Variants in PPP6R3 observed in about 807,000 individuals in gnomAD.
The protein encoded by PPP6R3 is protein phosphatase 6 regulatory subunit 3.
Under a neutral mutation model 110.7 loss-of-function variants are expected in PPP6R3, and 38 were observed. That is an observed-to-expected ratio of 0.34 (90% CI 0.26 to 0.45). The LOEUF is 0.45. Ranked by LOEUF, PPP6R3 falls within the 20% of genes least tolerant of loss-of-function variation. The probability of loss-of-function intolerance (pLI) is 1.00; values close to 1 mark genes in which losing one functional copy is unlikely to be tolerated. For synonymous variants in PPP6R3, 369 were observed against 373.5 expected, an observed-to-expected ratio of 0.99 and a Z score of 0.14; for missense variants, 870 against 1,062.4, an observed-to-expected ratio of 0.82 and a Z score of 2.52.
At chr11:68,476,909 A>T (rs1165479865) in intron 1 of PPP6R3, among the ~76,000 whole-genome samples, 1 of 151,688 alleles carries the variant, frequency 6.6e-6, no homozygotes, top group Non-Finnish European at 1.5e-5. Flanking sequence ...GCCTGTAGTC[A>T]CAGCTACTCA....
chr11:68,591,799 T>C (rs1566065602), intron 18 of PPP6R3, 93 bp downstream of exon 18: 1 of 1,394,792 alleles, frequency 7.2e-7, no homozygotes, highest in Non-Finnish European at 9.4e-7. Context: ...CAAACATACA[T>C]GTTAACCCAG....
At chr11:68,471,450 C>CG (rs1008919822) in intron 1 of PPP6R3, among the ~76,000 whole-genome samples, 1 of 151,966 alleles carries the variant, frequency 6.6e-6, no homozygotes, top group Non-Finnish European at 1.5e-5. Context: ...GAGGATGGAG[C>CG]GGGGACCTCT....
intron 20 of PPP6R3, among the ~76,000 whole-genome samples, chr11:68,601,657 A>T (rs2099632219): frequency 1.3e-5 from 2 of 152,158 alleles, no homozygotes; most frequent in Admixed American, 1.3e-4. Flanking sequence ...GGCTTAACAG[A>T]ACATTTGCCT....
At chr11:68,476,396 A>G (rs1014824756) in intron 1 of PPP6R3, among the ~76,000 whole-genome samples, 5 of 142,904 alleles carry the variant, frequency 3.5e-5, no homozygotes, top group South Asian at 4.9e-4. Context: ...AGGTTGCAGT[A>G]AGCCGAGATG....
At chr11:68,480,858 A>G (rs2098903864) in intron 1 of PPP6R3, among the ~76,000 whole-genome samples, 1 of 152,114 alleles carries the variant, frequency 6.6e-6, no homozygotes, top group South Asian at 2.1e-4. Flanking sequence ...TCATGTGTCA[A>G]TTTCAGGAAT....
chr11:68,524,960 T>C (rs1462304824), intron 2 of PPP6R3, among the ~76,000 whole-genome samples: 1 of 152,214 alleles, frequency 6.6e-6, no homozygotes, highest in Non-Finnish European at 1.5e-5. Context: ...CTGAGAGCCA[T>C]TGGATTGCAA....
At chr11:68,594,265 GGAGAGAGA>G (rs56125097) in intron 18 of PPP6R3, among the ~76,000 whole-genome samples, 2,397 of 137,010 alleles carry the variant, frequency 0.017, 37 homozygotes, top group Non-Finnish European at 0.024. Flanking sequence ...TAAAAAAGGG[GGAGAGAGA>G]GAGAGAGAGA....
chr11:68,482,771 G>A (rs1022574818), intron 1 of PPP6R3, among the ~76,000 whole-genome samples: 1 of 151,912 alleles, frequency 6.6e-6, no homozygotes, highest in Admixed American at 6.6e-5. Flanking sequence ...TCCATCTTCT[G>A]TTGTTACTGG....
chr11:68,521,209 C>G (rs1274730536), intron 2 of PPP6R3, among the ~76,000 whole-genome samples: 2 of 152,194 alleles, frequency 1.3e-5, no homozygotes, highest in Non-Finnish European at 2.9e-5. Context: ...CTCAGAGCAT[C>G]TCATTAAGTT....
At position 68,564,362 on chromosome 11, in the gene PPP6R3, A is replaced by T; in HGVS notation, c.905A>T (p.Asn302Ile). Residue 302 changes from asparagine (N) to isoleucine (I), a missense_variant, in exon 9 of 24, where the codon AAC (asparagine) becomes ATC (isoleucine). Asn to Ile is a moderately radical substitution (Grantham distance 149). Coordinates refer to ENST00000393800, the MANE Select transcript of PPP6R3 (RefSeq NM_001164161.2). ...PGMSHSACSVNKSVLEAIRGR... is the reference protein window; with the variant it reads ...PGMSHSACSVIKSVLEAIRGR... ...ATGAGCCATTCAGCTTGTTCAGTAA[A>T]CAAGAGTGTTCTAGAAGCCATCAGA... 3 of 1,613,476 alleles carry T rather than the reference A, an allele frequency of 1.9e-6. No individual in the cohort carries two copies. The highest frequency in any genetic ancestry group is 2.5e-6 in the Non-Finnish European group (3 of 1,179,356).
intron 14 of PPP6R3, among the ~76,000 whole-genome samples, chr11:68,577,152 C>T (rs1163270177): frequency 6.6e-6 from 1 of 152,224 alleles, no homozygotes; most frequent in African/African-American, 2.4e-5. Context: ...CCGAGTGTCT[C>T]TGTGTACCAC....
chr11:68,560,738 A>G (rs1283377173), intron 8 of PPP6R3, among the ~76,000 whole-genome samples: 1 of 152,076 alleles, frequency 6.6e-6, no homozygotes, highest in African/African-American at 2.4e-5. Context: ...AACAAAAGCT[A>G]TATTTGTTCC....
chr11:68,516,845 T>A (rs1479617474), intron 1 of PPP6R3, among the ~76,000 whole-genome samples: 1 of 152,188 alleles, frequency 6.6e-6, no homozygotes, highest in African/African-American at 2.4e-5. Context: ...TTTCTCCACA[T>A]CCTTATTGAC....
intron 19 of PPP6R3, among the ~76,000 whole-genome samples, chr11:68,597,344 G>T (rs1566109677): frequency 6.6e-6 from 1 of 152,194 alleles, no homozygotes; most frequent in Non-Finnish European, 1.5e-5. Flanking sequence ...AGAACGTGCT[G>T]TTTTGCATGG....
In PPP6R3 at chr11:68,577,233, T is replaced by G. The variant is rs7111525; in HGVS notation, c.1545+1190T>G. On this transcript the variant is annotated intron_variant, in intron 14 of 23. Coordinates refer to ENST00000393800, the MANE Select transcript of PPP6R3 (RefSeq NM_001164161.2). ...CAAGGAAGGGTTAAGTCATTTTTAATGAATATTTTACCCATTGTAGATAGA... is the reference window on the plus strand; with the variant it reads ...CAAGGAAGGGTTAAGTCATTTTTAAGGAATATTTTACCCATTGTAGATAGA... Among the ~76,000 whole-genome samples the G allele has an allele frequency of 7.7e-3, 1,180 of 152,316 alleles. 19 individuals are homozygous for G. The highest frequency in any genetic ancestry group is 0.027 in the African/African-American group (1,116 of 41,572).
At chr11:68,518,131 A>G (rs1421863733) in intron 1 of PPP6R3, among the ~76,000 whole-genome samples, 1 of 152,216 alleles carries the variant, frequency 6.6e-6, no homozygotes, top group Non-Finnish European at 1.5e-5. Context: ...AGTTGGCACT[A>G]AAACTACTGG....
chr11:68,512,173 C>T (rs2099114132), intron 1 of PPP6R3, among the ~76,000 whole-genome samples: 1 of 152,188 alleles, frequency 6.6e-6, no homozygotes, highest in Admixed American at 6.5e-5. Context: ...TTAGTCTGCT[C>T]AGGGTTGCCA....
chr11:68,527,797 A>G (rs114298468), intron 2 of PPP6R3, among the ~76,000 whole-genome samples: 2,075 of 152,056 alleles, frequency 0.014, 57 homozygotes, highest in African/African-American at 0.047. Context: ...TAATCCTACC[A>G]CCTACCCAAA....
intron 2 of PPP6R3, among the ~76,000 whole-genome samples, chr11:68,523,846 G>A (rs190663028): frequency 3.2e-4 from 49 of 151,830 alleles, no homozygotes; most frequent in African/African-American, 1.1e-3. Context: ...AATTGTTGGC[G>A]TTCTTGGCTG....
Sources: gnomAD v4.1 joint callset for allele counts (sites outside exome capture counted in the v4.1 genomes callset) on GRCh38, gnomAD v4.1.1 for gene constraint, MANE v1.5 for transcripts, NCBI Gene and HGNC (gene_info 2026-07-23, HGNC 2026-07-21) for gene names.